ADAM29: variants seen among roughly 807,000 people sequenced by gnomAD.
ADAM29 encodes disintegrin and metalloproteinase domain-containing protein 29.
For synonymous variants in ADAM29, 367 were observed against 342.3 expected (o/e 1.07, Z -0.80); for missense variants, 969 against 1,001.8 (o/e 0.97, Z 0.44).
chr4:174,969,759 AT>A (rs1446020692), intron 4 of ADAM29, among the ~76,000 whole-genome samples: 1 of 152,038 alleles, frequency 6.6e-6, no homozygotes, highest in East Asian at 1.9e-4. Flanking sequence ...ATTTATACTA[AT>A]TACTTTTCCA....
chr4:174,964,883 T>C (rs1370741804), intron 4 of ADAM29, among the ~76,000 whole-genome samples: 1 of 146,690 alleles, frequency 6.8e-6, no homozygotes, highest in Non-Finnish European at 1.5e-5. Context: ...TGTTCATAAG[T>C]GTTTGGCCAG....
chr4:174,939,219 T>C (rs1560868554), intron 4 of ADAM29, among the ~76,000 whole-genome samples: 1 of 152,190 alleles, frequency 6.6e-6, no homozygotes, highest in East Asian at 1.9e-4. Context: ...CCACAGATAG[T>C]AGCACTTCTT....
At chr4:174,918,761 A>G (rs1743011360) in intron 1 of ADAM29, among the ~76,000 whole-genome samples, 1 of 152,098 alleles carries the variant, frequency 6.6e-6, no homozygotes, top group Admixed American at 6.6e-5. Flanking sequence ...AAAAAGAAAA[A>G]GAAAAAAAAA....
intron 4 of ADAM29, among the ~76,000 whole-genome samples, chr4:174,959,703 T>G (rs1745702830): frequency 6.6e-6 from 1 of 151,972 alleles, no homozygotes; most frequent in South Asian, 2.1e-4. Context: ...TCTTTGTACT[T>G]CAATTGGTAA....
intron 2 of ADAM29, among the ~76,000 whole-genome samples, chr4:174,926,126 T>A (rs1354632573): frequency 6.6e-6 from 1 of 152,202 alleles, no homozygotes; most frequent in Non-Finnish European, 1.5e-5. Flanking sequence ...TAATAACAAT[T>A]ATGTATTGAA....
At chr4:174,964,065 C>A (rs932349336) in intron 4 of ADAM29, among the ~76,000 whole-genome samples, 3 of 152,000 alleles carry the variant, frequency 2.0e-5, no homozygotes, top group Admixed American at 6.5e-5. Context: ...TGATTAAATA[C>A]AGTATTATCT....
At chr4:174,936,854 AT>A (rs1327776093) in intron 3 of ADAM29, 78 bp from the exon 4 acceptor site, 1 of 151,932 alleles carries the variant, frequency 6.6e-6, no homozygotes, top group African/African-American at 2.4e-5. Context: ...TTAAAAGAGC[AT>A]TTTTATGCCA....
At chr4:174,941,816 G>A (rs532517765) in intron 4 of ADAM29, among the ~76,000 whole-genome samples, 24 of 151,980 alleles carry the variant, frequency 1.6e-4, no homozygotes, top group South Asian at 2.1e-4. Context: ...TCATTCCAGC[G>A]TAACTCAAAA....
intron 3 of ADAM29, among the ~76,000 whole-genome samples, chr4:174,935,907 G>A (rs1479526098): frequency 2.0e-5 from 3 of 151,972 alleles, no homozygotes; most frequent in Non-Finnish European, 2.9e-5. Context: ...GTTTGCTTAC[G>A]AGAATTATGT....
intron 4 of ADAM29, among the ~76,000 whole-genome samples, chr4:174,960,181 T>G (rs1372416172): frequency 6.6e-6 from 1 of 152,076 alleles, no homozygotes; most frequent in Admixed American, 6.6e-5. Flanking sequence ...GATAATTTTT[T>G]GCTCACTTAG....
intron 4 of ADAM29, among the ~76,000 whole-genome samples, chr4:174,961,359 C>A (rs1019388262): frequency 1.3e-5 from 2 of 151,200 alleles, no homozygotes; most frequent in African/African-American, 4.8e-5. Context: ...TATGAGAGTT[C>A]TCTTATATTT....
At chr4:174,949,338 C>T (rs1745038921) in intron 4 of ADAM29, among the ~76,000 whole-genome samples, 1 of 152,154 alleles carries the variant, frequency 6.6e-6, no homozygotes, top group Admixed American at 6.5e-5. Flanking sequence ...TGAAGCCATT[C>T]CCATGCCAAA....
intron 3 of ADAM29, among the ~76,000 whole-genome samples, chr4:174,932,191 G>T (rs1167754643): frequency 6.6e-6 from 1 of 152,074 alleles, no homozygotes; most frequent in African/African-American, 2.4e-5. Flanking sequence ...AGAGGCTGAG[G>T]CAGGAGAATC....
At chr4:174,969,105 A>G (rs1746325281) in intron 4 of ADAM29, among the ~76,000 whole-genome samples, 1 of 151,492 alleles carries the variant, frequency 6.6e-6, no homozygotes, top group Non-Finnish European at 1.5e-5. Context: ...TTAGTCTCTT[A>G]TTTTCCAGTA....
At chr4:174,947,368 G>A (rs999474460) in intron 4 of ADAM29, among the ~76,000 whole-genome samples, 1 of 151,914 alleles carries the variant, frequency 6.6e-6, no homozygotes, top group Non-Finnish European at 1.5e-5. Flanking sequence ...CTAACTTTTA[G>A]GTGTGGGCAT....
chr4:174,919,253 C>A (rs1346082135), intron 1 of ADAM29, among the ~76,000 whole-genome samples: 1 of 152,150 alleles, frequency 6.6e-6, no homozygotes, highest in Non-Finnish European at 1.5e-5. Context: ...GTAAATTTCT[C>A]TTTTCTGAAA....
chr4:174,938,356 T>A lies in ADAM29; in HGVS notation c.-181+1343T>A, dbSNP rs552022170. On this transcript the variant is annotated intron_variant, in intron 4 of 4. Transcript: ENST00000359240. Reference sequence around the variant, plus strand: ...GGAATGTGAAAATTCTGTTCCTAAGTCCAGTAATGCTACCCTAAACCAAAA... The same window carrying A: ...GGAATGTGAAAATTCTGTTCCTAAGACCAGTAATGCTACCCTAAACCAAAA... Among the ~76,000 whole-genome samples, 38 of 152,142 alleles carry A rather than the reference T, an allele frequency of 2.5e-4. No homozygotes were observed. In the South Asian group the frequency reaches 4.4e-3, roughly 17 times the overall value.
intron 4 of ADAM29, among the ~76,000 whole-genome samples, chr4:174,947,399 C>T (rs182817473): frequency 1.8e-4 from 28 of 152,220 alleles, no homozygotes; most frequent in Non-Finnish European, 3.4e-4. Flanking sequence ...AAACTTTTCC[C>T]TTAACACTGC....
rs1210300909 is a variant in ADAM29 at position 174,975,921 on chromosome 4, T to C, written c.396T>C (p.Phe132=). The change falls in exon 5 of 5, where the codon TTT becomes TTC. Residue 132 remains phenylalanine, a synonymous_variant. Coordinates refer to ENST00000359240, the MANE Select transcript of ADAM29 (RefSeq NM_014269.4). ...AAGGAATATTACAGATAAATGACTT[T>C]GCTTATGAAATCAAGCCCCTAGCAT... The part of the protein sequence containing the change: ...GFQGILQIND[F]AYEIKPLAFS... 1 of 1,613,908 alleles carries C rather than the reference T, an allele frequency of 6.2e-7. No homozygotes were observed. The highest frequency in any genetic ancestry group is 8.5e-7 in the Non-Finnish European group (1 of 1,179,922).
Sources: gnomAD v4.1 joint callset for allele counts (sites outside exome capture counted in the v4.1 genomes callset) on GRCh38, gnomAD v4.1.1 for gene constraint, MANE v1.5 for transcripts, NCBI Gene and HGNC (gene_info 2026-07-23, HGNC 2026-07-21) for gene names.